The following NOX4 variants were observed in gnomAD, a reference collection of about 807,000 sequenced individuals.
NOX4 encodes kidney oxidase-1.
NOX4 carries 69 observed loss-of-function variants against 87.6 expected under a neutral mutation model. The ratio of observed to expected loss-of-function variants is 0.79; its 90% confidence interval spans 0.65 to 0.96. The LOEUF is 0.96. NOX4 is among the 40% of genes least tolerant of loss of function. NOX4 has a pLI of 0.00. For missense variants in NOX4, 680 were observed against 681.5 expected (o/e 1.00, Z 0.02); for synonymous variants, 275 against 238.2 (o/e 1.15, Z -1.42).
Position 89,345,523 on chromosome 11 carries a change from G to C in NOX4, c.1218-3330C>G, listed in dbSNP as rs1211622760. 6.3e-3 allele frequency among the ~76,000 whole-genome samples: 965 copies of C among 152,156 alleles called. 2 individuals are homozygous for C. Among genetic ancestry groups the C allele is most frequent in the Non-Finnish European group, 0.011 (719 of 68,010 alleles). On this transcript the variant is annotated intron_variant, in intron 13 of 17. Transcript: ENST00000263317. ...ACCATGAGCTTAAACAACCAATACT[G>C]TACTCTACAGTGTACAGCAGCATTC...
upstream of NOX4, among the ~76,000 whole-genome samples, chr11:89,502,207 T>C (rs1947030118): frequency 6.6e-6 from 1 of 152,012 alleles, no homozygotes; most frequent in African/African-American, 2.4e-5. Context: ...GACTGATACC[T>C]ATCCATTGTT....
chr11:89,471,308 T>A (rs1034877361), intron 2 of NOX4, among the ~76,000 whole-genome samples: 27 of 152,246 alleles, frequency 1.8e-4, no homozygotes, highest in African/African-American at 5.8e-4. Flanking sequence ...ACCTCAAAAA[T>A]GCATGGTTAT....
the NOX4 span, among the ~76,000 whole-genome samples, chr11:89,580,747 T>C: frequency 3.3e-5 from 5 of 152,330 alleles, no homozygotes; most frequent in African/African-American, 9.6e-5. Context: ...AGATACAAAA[T>C]AATCACCAAG....
At chr11:89,568,041 C>G in the NOX4 span, among the ~76,000 whole-genome samples, 1 of 152,160 alleles carries the variant, frequency 6.6e-6, no homozygotes, top group South Asian at 2.1e-4. Flanking sequence ...GCACCTCCAG[C>G]ACAGCAGCTG....
At chr11:89,583,918 A>G in the NOX4 span, among the ~76,000 whole-genome samples, 1 of 152,214 alleles carries the variant, frequency 6.6e-6, no homozygotes, top group Non-Finnish European at 1.5e-5. Flanking sequence ...CCAATAAAAG[A>G]TAGGTAAATA....
chr11:89,551,238 G>A, the NOX4 span, among the ~76,000 whole-genome samples: 1 of 152,160 alleles, frequency 6.6e-6, no homozygotes, highest in Admixed American at 6.5e-5. Flanking sequence ...GTAGCGTGAT[G>A]CCTCCAACTT....
At chr11:89,516,630 T>C in the NOX4 span, among the ~76,000 whole-genome samples, 2 of 152,124 alleles carry the variant, frequency 1.3e-5, no homozygotes, top group African/African-American at 2.4e-5. Context: ...TCTGACTGCA[T>C]TTCTTACTAG....
intron 8 of NOX4, among the ~76,000 whole-genome samples, chr11:89,408,338 C>T (rs546460): frequency 0.56 from 84,911 of 152,006 alleles, 25,449 homozygotes; most frequent in African/African-American, 0.77. Context: ...AACAGATATT[C>T]GACCTCATTT....
chr11:89,493,570 ACT>A (rs1946913409), upstream of NOX4, among the ~76,000 whole-genome samples: 1 of 151,962 alleles, frequency 6.6e-6, no homozygotes, highest in African/African-American at 2.4e-5. Context: ...TTATTTCATA[ACT>A]CTGTAAGAGG....
intron 7 of NOX4, among the ~76,000 whole-genome samples, chr11:89,431,162 C>T (rs1018212329): frequency 1.1e-4 from 17 of 152,250 alleles, no homozygotes; most frequent in South Asian, 8.3e-4. Flanking sequence ...ATGTAGAAAG[C>T]TGAAACTGGA....
chr11:89,553,847 T>C, the NOX4 span, among the ~76,000 whole-genome samples: 77 of 151,030 alleles, frequency 5.1e-4, no homozygotes, highest in African/African-American at 1.8e-3. Flanking sequence ...CTAACTGGAA[T>C]TGGCTTTACT....
At chr11:89,435,055 GTGTA>G (rs1276712649) in intron 6 of NOX4, among the ~76,000 whole-genome samples, 2 of 151,946 alleles carry the variant, frequency 1.3e-5, no homozygotes, top group African/African-American at 4.8e-5. Flanking sequence ...TTCCACTATT[GTGTA>G]TGTATGTGTA....
At chr11:89,437,637 T>C (rs1944145631) in intron 6 of NOX4, among the ~76,000 whole-genome samples, 1 of 152,040 alleles carries the variant, frequency 6.6e-6, no homozygotes, top group African/African-American at 2.4e-5. Context: ...ATTGTTTTTA[T>C]TGCCAGAGGC....
chr11:89,363,613 G>T (rs1347840667), intron 12 of NOX4, among the ~76,000 whole-genome samples: 1 of 151,928 alleles, frequency 6.6e-6, no homozygotes, highest in Admixed American at 6.6e-5. Context: ...AGAAATTAAT[G>T]GTTTGTCAAA....
At chr11:89,505,607 AC>A in the NOX4 span, among the ~76,000 whole-genome samples, 1 of 151,858 alleles carries the variant, frequency 6.6e-6, no homozygotes, top group Non-Finnish European at 1.5e-5. Flanking sequence ...TGAGGGGACA[AC>A]TGGAGGAAAT....
Position 89,440,736 on chromosome 11 carries a change from T to A in NOX4, c.448-21A>T, listed in dbSNP as rs756798050. ...GGATCCTGAGAAAAAGAAAAAAAAA[T>A]AAATGATTAAAAACTAAAGCACTGA... On this transcript the variant is annotated intron_variant, in intron 5 of 17. Transcript: ENST00000263317. The A allele has an allele frequency of 1.0e-5, 14 of 1,406,804 alleles. No homozygotes were observed. In the South Asian group the frequency reaches 1.4e-4, roughly 14 times the overall value. 87.1% of individuals were successfully genotyped at this position (1,406,804 alleles called of 1,614,324 possible).
chr11:89,413,463 T>C (rs2135233571), intron 8 of NOX4, among the ~76,000 whole-genome samples: 1 of 152,232 alleles, frequency 6.6e-6, no homozygotes, highest in East Asian at 1.9e-4. Context: ...ATAAAGAAAA[T>C]GTGCTACATA....
intron 17 of NOX4, among the ~76,000 whole-genome samples, chr11:89,330,608 C>A (rs1945427298): frequency 2.1e-5 from 3 of 142,202 alleles, no homozygotes; most frequent in Non-Finnish European, 1.5e-5. Flanking sequence ...GAACCAACAA[C>A]CTAAAGCAAT....
chr11:89,333,301 C>G (rs1050438241), intron 17 of NOX4, among the ~76,000 whole-genome samples: 7 of 151,704 alleles, frequency 4.6e-5, no homozygotes, highest in Non-Finnish European at 7.4e-5. Flanking sequence ...ACAAAAACAA[C>G]AAAGTAAGCT....
Sources: allele counts gnomAD v4.1 joint callset (sites outside exome capture counted in the v4.1 genomes callset), GRCh38; gene constraint gnomAD v4.1.1; transcripts MANE v1.5; gene names NCBI Gene and HGNC (gene_info 2026-07-23, HGNC 2026-07-21).